Variants in GAREM1 observed in about 807,000 individuals in gnomAD.
GAREM1 encodes the protein GRB2 associated regulator of MAPK1 subtype 1.
Under a neutral mutation model 71.3 loss-of-function variants are expected in GAREM1, and 26 were observed. The ratio of observed to expected loss-of-function variants is 0.36; its 90% CI spans 0.27 to 0.51. GAREM1 has a LOEUF of 0.51. GAREM1 is among the 20% of genes least tolerant of loss of function. GAREM1 has a pLI of 0.95. For synonymous variants in GAREM1, 440 were observed against 433.2 expected, an observed-to-expected ratio of 1.02 and a Z score of -0.20; for missense variants, 1,026 against 1,103.1, an observed-to-expected ratio of 0.93 and a Z score of 0.99.
rs763079937 is a variant in GAREM1, at chr18:32,287,862, A to G, written c.735T>C (p.Leu245=). ...TIRNIVEKTR[L]PVNVTVPSPP... ...GGCTTGGCACAGTCACATTCACAGG[A>G]AGCCTGGTTTTCTCCACAATGTTGC... The change falls in exon 4 of 6, where the codon CTT becomes CTC. Residue 245 remains leucine (L), a synonymous_variant. Transcript: ENST00000269209. The surrounding 1 kb of genome is among the most constrained non-coding windows in gnomAD (Gnocchi z 5.9). 6.2e-7 allele frequency: 1 copy of G among 1,613,130 alleles called. No individual in the cohort carries two copies. Among genetic ancestry groups the G allele is most frequent in the Non-Finnish European group, 8.5e-7 (1 of 1,179,748 alleles).
intron 3 of GAREM1, among the ~76,000 whole-genome samples, chr18:32,300,509 C>T (rs533824289): frequency 3.3e-5 from 5 of 152,210 alleles, no homozygotes; most frequent in African/African-American, 9.6e-5. Context: ...TTTGTGTTTT[C>T]GAAGACAAAA....
intron 2 of GAREM1, among the ~76,000 whole-genome samples, chr18:32,354,057 A>G (rs777158077): frequency 4.6e-5 from 7 of 152,224 alleles, no homozygotes; most frequent in African/African-American, 7.2e-5. Context: ...ACATACATAA[A>G]TAATTTTGAA....
intron 2 of GAREM1, among the ~76,000 whole-genome samples, chr18:32,347,315 A>G (rs1034556108): frequency 1.3e-5 from 2 of 152,180 alleles, no homozygotes; most frequent in African/African-American, 4.8e-5. Flanking sequence ...CCTGGGCAAC[A>G]AAGTGAGACC....
chr18:32,443,042 T>C (rs2048754170), intron 1 of GAREM1, among the ~76,000 whole-genome samples: 1 of 152,198 alleles, frequency 6.6e-6, no homozygotes, highest in Admixed American at 6.5e-5. Context: ...AAACTTTTCA[T>C]GTAATTTCAT....
intron 1 of GAREM1, chr18:32,412,515 T>C: frequency 6.3e-7 from 1 of 1,597,300 alleles, no homozygotes; most frequent in South Asian, 1.1e-5. Context: ...ACCACTGAAG[T>C]TTCCTCCATG....
chr18:32,311,006 T>C (rs1438078396), intron 2 of GAREM1, among the ~76,000 whole-genome samples: 5 of 152,190 alleles, frequency 3.3e-5, no homozygotes, highest in African/African-American at 1.2e-4. Flanking sequence ...CTCCTTTCTT[T>C]CCTTTTACTG....
At chr18:32,333,159 G>A (rs939261330) in intron 2 of GAREM1, among the ~76,000 whole-genome samples, 1 of 151,270 alleles carries the variant, frequency 6.6e-6, no homozygotes, top group African/African-American at 2.4e-5. Context: ...TGATGAGAGG[G>A]AAAAGAAAGA....
At chr18:32,369,817 G>A (rs2047959513) in intron 2 of GAREM1, among the ~76,000 whole-genome samples, 2 of 152,136 alleles carry the variant, frequency 1.3e-5, no homozygotes, top group African/African-American at 4.8e-5. Context: ...TTTTCCCTCT[G>A]GATATGGATT....
intron 2 of GAREM1, among the ~76,000 whole-genome samples, chr18:32,391,813 GC>G (rs2048202862): frequency 6.6e-6 from 1 of 152,114 alleles, no homozygotes; most frequent in Admixed American, 6.5e-5. Flanking sequence ...AAAGTTTTAG[GC>G]CACAGAAATT....
intron 2 of GAREM1, among the ~76,000 whole-genome samples, chr18:32,385,999 T>C (rs2048144094): frequency 6.6e-6 from 1 of 152,202 alleles, no homozygotes; most frequent in African/African-American, 2.4e-5. Flanking sequence ...AATTCAGTCA[T>C]CAAAAATGGT....
intron 2 of GAREM1, among the ~76,000 whole-genome samples, chr18:32,380,465 G>A (rs1029117056): frequency 3.4e-4 from 39 of 113,100 alleles, no homozygotes; most frequent in African/African-American, 1.3e-3. Flanking sequence ...GACAGAGTGA[G>A]ACTTCATTTA....
intron 1 of GAREM1, among the ~76,000 whole-genome samples, chr18:32,436,419 G>C (rs1050476861): frequency 1.3e-5 from 2 of 152,256 alleles, no homozygotes; most frequent in African/African-American, 4.8e-5. Flanking sequence ...ATAACTACAA[G>C]AGGACATATA....
chr18:32,389,892 G>A (rs1414993924), intron 2 of GAREM1, among the ~76,000 whole-genome samples: 1 of 152,094 alleles, frequency 6.6e-6, no homozygotes, highest in Non-Finnish European at 1.5e-5. Flanking sequence ...ATACTCCCAG[G>A]CCAGGTATGA....
chr18:32,377,571 T>G (rs2048043171), intron 2 of GAREM1, among the ~76,000 whole-genome samples: 1 of 152,186 alleles, frequency 6.6e-6, no homozygotes, highest in Non-Finnish European at 1.5e-5. Flanking sequence ...AGAAGATTAT[T>G]TCTTTTTTTT....
chr18:32,268,853 G>A, intron 5 of GAREM1, 85 bp from the exon 6 acceptor site: 3 of 1,111,012 alleles, frequency 2.7e-6, no homozygotes, highest in Non-Finnish European at 3.9e-6. Context: ...CGTTACTGCT[G>A]AGTAGAAAAG....
At chr18:32,428,042 T>C (rs1471706792) in intron 1 of GAREM1, among the ~76,000 whole-genome samples, 1 of 152,302 alleles carries the variant, frequency 6.6e-6, no homozygotes, top group African/African-American at 2.4e-5. Flanking sequence ...AAGGAAATCA[T>C]CTTTTTAAAA....
intron 1 of GAREM1, among the ~76,000 whole-genome samples, chr18:32,442,229 C>G (rs1200062359): frequency 6.6e-6 from 1 of 152,086 alleles, no homozygotes; most frequent in Non-Finnish European, 1.5e-5. Flanking sequence ...CAGATAATTA[C>G]CAATTTTTAC....
At chr18:32,349,433 G>T (rs76586786) in intron 2 of GAREM1, among the ~76,000 whole-genome samples, 1,620 of 152,228 alleles carry the variant, frequency 0.011, 29 homozygotes, top group African/African-American at 0.035. Context: ...ATACAATGAT[G>T]TATATCATAG....
intron 2 of GAREM1, among the ~76,000 whole-genome samples, chr18:32,364,282 GC>G (rs1342820956): frequency 1.3e-5 from 2 of 151,214 alleles, no homozygotes; most frequent in Non-Finnish European, 2.9e-5. Context: ...TGATCTGCTT[GC>G]CTCAGCCTCC....
Sources: gnomAD v4.1 joint callset for allele counts (sites outside exome capture counted in the v4.1 genomes callset) on GRCh38, gnomAD v4.1.1 for gene constraint, Gnocchi (gnomAD v3.1) non-coding constraint, MANE v1.5 for transcripts, NCBI Gene and HGNC (gene_info 2026-07-23, HGNC 2026-07-21) for gene names.